The following PRKG1 variants were observed in gnomAD, a reference collection of about 807,000 sequenced individuals.
PRKG1 encodes protein kinase cGMP-dependent 1, also known as cGMP-dependent protein kinase 1.
Under a neutral mutation model 88.1 loss-of-function variants are expected in PRKG1, and 35 were observed. That is an observed-to-expected ratio of 0.40 (90% CI 0.30 to 0.53). The LOEUF (loss-of-function observed/expected upper bound fraction) is 0.53. Among genes scored for constraint, PRKG1 ranks in the 20% least tolerant of loss-of-function variants. The probability of loss-of-function intolerance (pLI) is 0.59; values close to 1 mark genes in which losing one functional copy is unlikely to be tolerated. For missense variants in PRKG1, 540 were observed against 839.8 expected (o/e 0.64, Z 4.41); for synonymous variants, 303 against 292.5 (o/e 1.04, Z -0.37).
intron 4 of PRKG1, among the ~76,000 whole-genome samples, chr10:51,824,899 T>TTTGGAGG (rs1331533531): frequency 6.6e-6 from 1 of 152,150 alleles, no homozygotes; most frequent in Non-Finnish European, 1.5e-5. Flanking sequence ...CTAATGAGGA[T>TTTGGAGG]CACATTTCAA....
At chr10:51,807,604 T>G (rs1463088137) in intron 4 of PRKG1, among the ~76,000 whole-genome samples, 1 of 152,204 alleles carries the variant, frequency 6.6e-6, no homozygotes, top group Admixed American at 6.5e-5. Context: ...GAGAGTGCTC[T>G]AATGATAGTG....
At chr10:52,012,624 T>G (rs1367881127) in intron 5 of PRKG1, among the ~76,000 whole-genome samples, 1 of 152,176 alleles carries the variant, frequency 6.6e-6, no homozygotes, top group Non-Finnish European at 1.5e-5. Flanking sequence ...TGACCTCAAG[T>G]GATTTACCCA....
Position 52,051,797 on chromosome 10 carries a change from T to C in PRKG1, c.763-2687T>C, listed in dbSNP as rs553230657. 2.6e-5 allele frequency among the ~76,000 whole-genome samples: 4 copies of C among 152,226 alleles called. No individual in the cohort carries two copies. The South Asian group carries it at 6.2e-4, about 24-fold the overall frequency. Reference sequence around the variant, plus strand: ...GCCCTCTGTGGGAAGCTCCCTTCCATGAGGAAAAGAAGAGAAGTTGGGATG... The same window carrying C: ...GCCCTCTGTGGGAAGCTCCCTTCCACGAGGAAAAGAAGAGAAGTTGGGATG... On this transcript the variant is annotated intron_variant, in intron 5 of 17. Coordinates refer to ENST00000373980, the MANE Select transcript of PRKG1 (RefSeq NM_006258.4).
At chr10:52,173,760 C>A (rs1012786340) in intron 9 of PRKG1, among the ~76,000 whole-genome samples, 2 of 152,132 alleles carry the variant, frequency 1.3e-5, no homozygotes, top group Non-Finnish European at 2.9e-5. Context: ...CTCTAATATT[C>A]AAAAACTGTA....
At chr10:51,915,534 GATGTGTGTGTGT>G (rs1842320451) in intron 5 of PRKG1, among the ~76,000 whole-genome samples, 1 of 150,554 alleles carries the variant, frequency 6.6e-6, no homozygotes, top group African/African-American at 2.5e-5. Context: ...TGAGTTGGAA[GATGTGTGTGTGT>G]ATGTGTGTGT....
At chr10:52,051,980 C>T (rs1190255288) in intron 5 of PRKG1, among the ~76,000 whole-genome samples, 1 of 86,366 alleles carries the variant, frequency 1.2e-5, no homozygotes, top group Non-Finnish European at 2.1e-5. Context: ...AGATGTTCTC[C>T]TCTCCCGCTT....
intron 3 of PRKG1, among the ~76,000 whole-genome samples, chr10:51,778,707 A>C (rs1050558272): frequency 6.6e-6 from 1 of 152,164 alleles, no homozygotes; most frequent in Non-Finnish European, 1.5e-5. Context: ...TTCCAGAAAT[A>C]ATCTTGTAGC....
At chr10:52,013,692 A>G (rs1051768047) in intron 5 of PRKG1, among the ~76,000 whole-genome samples, 1 of 152,200 alleles carries the variant, frequency 6.6e-6, no homozygotes, top group South Asian at 2.1e-4. Context: ...GCCTTGATTC[A>G]AAGAAATTTT....
At chr10:51,620,159 T>C (rs1001865698) in intron 3 of PRKG1, among the ~76,000 whole-genome samples, 1 of 152,126 alleles carries the variant, frequency 6.6e-6, no homozygotes, top group Admixed American at 6.5e-5. Context: ...ACTTGGACTA[T>C]AGGGAAATTT....
At chr10:51,679,724 G>GC (rs1840798244) in intron 3 of PRKG1, among the ~76,000 whole-genome samples, 1 of 117,304 alleles carries the variant, frequency 8.5e-6, no homozygotes, top group African/African-American at 3.3e-5. Context: ...TTTTTTTAAT[G>GC]TTTTTTTTTT....
chr10:52,093,186 A>G (rs1295458084), intron 7 of PRKG1, among the ~76,000 whole-genome samples: 1 of 152,196 alleles, frequency 6.6e-6, no homozygotes, highest in Non-Finnish European at 1.5e-5. Context: ...ATTGGAACAT[A>G]AAGAAGTGAA....
intron 9 of PRKG1, among the ~76,000 whole-genome samples, chr10:52,217,775 T>C (rs911058964): frequency 5.9e-5 from 9 of 152,132 alleles, no homozygotes; most frequent in African/African-American, 1.9e-4. Context: ...ATAGACATCA[T>C]CACAAAGGAT....
intron 2 of PRKG1, among the ~76,000 whole-genome samples, chr10:51,264,859 G>T (rs1839799497): frequency 6.6e-6 from 1 of 152,110 alleles, no homozygotes; most frequent in South Asian, 2.1e-4. Flanking sequence ...TTTGGGAATT[G>T]TCCTTTTAAG....
intron 7 of PRKG1, among the ~76,000 whole-genome samples, chr10:52,123,144 T>G (rs772302445): frequency 5.9e-5 from 9 of 152,186 alleles, no homozygotes; most frequent in Non-Finnish European, 1.2e-4. Context: ...AGTTTGTATG[T>G]CAGATAAAAA....
intron 2 of PRKG1, among the ~76,000 whole-genome samples, chr10:51,338,756 T>C (rs2132543460): frequency 6.6e-6 from 1 of 152,360 alleles, no homozygotes; most frequent in East Asian, 1.9e-4. Flanking sequence ...TTAGTGATGC[T>C]ATGATTCAAT....
intron 2 of PRKG1, among the ~76,000 whole-genome samples, chr10:51,410,458 AG>A (rs1564482421): frequency 6.6e-6 from 1 of 151,978 alleles, no homozygotes; most frequent in Non-Finnish European, 1.5e-5. Flanking sequence ...TGTAGGGCTG[AG>A]GGGCTAGGTC....
chr10:51,587,967 C>T (rs1172616077), intron 3 of PRKG1, among the ~76,000 whole-genome samples: 2 of 152,180 alleles, frequency 1.3e-5, no homozygotes, highest in Non-Finnish European at 2.9e-5. Context: ...TCACTTTATT[C>T]CCTGGTGTAT....
intron 2 of PRKG1, among the ~76,000 whole-genome samples, chr10:51,348,050 G>A (rs535465326): frequency 1.9e-4 from 29 of 152,070 alleles, no homozygotes; most frequent in African/African-American, 6.3e-4. Context: ...GTGACAGAGC[G>A]AGACTCCATC....
At chr10:51,077,917 G>A (rs1294037701) in intron 1 of PRKG1, among the ~76,000 whole-genome samples, 1 of 152,200 alleles carries the variant, frequency 6.6e-6, no homozygotes. Flanking sequence ...TTCATTATGT[G>A]AGATCAGATA....
Sources: allele counts gnomAD v4.1 joint callset (sites outside exome capture counted in the v4.1 genomes callset), GRCh38; gene constraint gnomAD v4.1.1; transcripts MANE v1.5; gene names NCBI Gene and HGNC (gene_info 2026-07-23, HGNC 2026-07-21).